The following FGD4 variants were observed in gnomAD, a reference collection of about 807,000 sequenced individuals.
The protein encoded by FGD4 is FYVE, RhoGEF and PH domain-containing protein 4.
Under a neutral mutation model 102.0 loss-of-function variants are expected in FGD4, and 42 were observed. The observed-to-expected ratio is 0.41, with a 90% CI of 0.32 to 0.53. The LOEUF is 0.53. FGD4 is among the 20% of genes least tolerant of loss of function. The pLI is 0.21. For synonymous variants in FGD4, 380 were observed against 375.7 expected (o/e 1.01, Z -0.13); for missense variants, 902 against 1,078.2 (o/e 0.84, Z 2.29).
chr12:32,557,224 T>G (rs1347277771), intron 1 of FGD4, among the ~76,000 whole-genome samples: 1 of 152,180 alleles, frequency 6.6e-6, no homozygotes, highest in Non-Finnish European at 1.5e-5. Flanking sequence ...AAAATATAAG[T>G]GATATATAAA....
At chr12:32,546,485 C>T (rs981981555) in intron 1 of FGD4, among the ~76,000 whole-genome samples, 1 of 152,262 alleles carries the variant, frequency 6.6e-6, no homozygotes, top group African/African-American at 2.4e-5. Flanking sequence ...CCACTTTTAA[C>T]CAACCCTACT....
chr12:32,436,051 A>G (rs908098336), intron 1 of FGD4, among the ~76,000 whole-genome samples: 12 of 152,212 alleles, frequency 7.9e-5, no homozygotes, highest in Admixed American at 7.2e-4. Flanking sequence ...GGGAGGACAC[A>G]GAATGACGAT....
At chr12:32,543,673 C>G (rs1048803432) in intron 1 of FGD4, among the ~76,000 whole-genome samples, 1 of 152,210 alleles carries the variant, frequency 6.6e-6, no homozygotes, top group Non-Finnish European at 1.5e-5. Flanking sequence ...GTTGCCCAGG[C>G]TGGAGTGCAG....
At chr12:32,612,340 C>T (rs1949192081) in intron 10 of FGD4, among the ~76,000 whole-genome samples, 1 of 152,236 alleles carries the variant, frequency 6.6e-6, no homozygotes, top group African/African-American at 2.4e-5. Flanking sequence ...CCTTGCTGCT[C>T]CAGGCTCGCC....
chr12:32,407,360 A>G (rs1940985316), intron 1 of FGD4, among the ~76,000 whole-genome samples: 1 of 143,060 alleles, frequency 7.0e-6, no homozygotes, highest in African/African-American at 2.6e-5. Context: ...TCCTGACCTC[A>G]GGTGATCCAC....
chr12:32,594,455 G>A (rs562132185), intron 4 of FGD4, among the ~76,000 whole-genome samples: 3 of 152,224 alleles, frequency 2.0e-5, no homozygotes, highest in African/African-American at 7.2e-5. Context: ...CAACATTATG[G>A]TGAGTTGTAT....
At chr12:32,451,910 AAC>A (rs1197268621) in intron 1 of FGD4, among the ~76,000 whole-genome samples, 1 of 151,848 alleles carries the variant, frequency 6.6e-6, no homozygotes, top group African/African-American at 2.4e-5. Flanking sequence ...AGATAACAAT[AAC>A]AGAGTTTCCT....
At chr12:32,526,807 C>T (rs1327325346) in intron 1 of FGD4, among the ~76,000 whole-genome samples, 2 of 152,162 alleles carry the variant, frequency 1.3e-5, no homozygotes, top group Non-Finnish European at 1.5e-5. Flanking sequence ...GAACGAACAA[C>T]TCCAGATGCC....
intron 1 of FGD4, among the ~76,000 whole-genome samples, chr12:32,477,935 G>A (rs890580333): frequency 6.6e-6 from 1 of 152,168 alleles, no homozygotes; most frequent in Non-Finnish European, 1.5e-5. Flanking sequence ...TCATTCACTC[G>A]AGTCATCTAT....
At position 32,399,659 on chromosome 12, in the gene FGD4, C is replaced by T. The variant is rs1940562508; in HGVS notation, c.-135C>T. 1.4e-6 allele frequency: 2 copies of T among 1,427,222 alleles called. No homozygotes were observed. The highest frequency in any genetic ancestry group is 1.8e-6 in the Non-Finnish European group (2 of 1,100,064). The allele number at this position is 1,427,222 out of a possible 1,614,324, so 88.4% of individuals were successfully genotyped here. ...GGGAAGGAGAGGGAGAGGAGGCACT[C>T]GCTGAGGAGACGCCGCAGTAGAGGG... is the stretch of plus-strand genomic sequence containing the variant. On this transcript the variant is annotated 5_prime_UTR_variant, in exon 1 of 17. Transcript: ENST00000534526.
At chr12:32,584,426 G>A (rs2291883) in intron 4 of FGD4, among the ~76,000 whole-genome samples, 72,932 of 151,964 alleles carry the variant, frequency 0.48, 19,221 homozygotes, top group African/African-American at 0.71. Flanking sequence ...AAATGTCAAT[G>A]GTAATATAGT....
chr12:32,619,582 A>G, intron 10 of FGD4, 116 bp from the exon 11 acceptor site: 3 of 1,174,392 alleles, frequency 2.6e-6, no homozygotes, highest in Non-Finnish European at 2.5e-6. Flanking sequence ...CAATGAGCCA[A>G]GGTCACACTA....
chr12:32,591,144 C>T (rs1300683757), intron 4 of FGD4, among the ~76,000 whole-genome samples: 2 of 152,088 alleles, frequency 1.3e-5, no homozygotes, highest in African/African-American at 2.4e-5. Flanking sequence ...TGTACCTGTA[C>T]AAAGGGTACC....
intron 1 of FGD4, among the ~76,000 whole-genome samples, chr12:32,505,112 C>T (rs141256430): frequency 3.3e-5 from 5 of 152,296 alleles, no homozygotes; most frequent in Non-Finnish European, 7.4e-5. Context: ...TGAAGTGGAA[C>T]AGCACCTGCA....
At chr12:32,516,452 C>CT (rs1404105342) in intron 1 of FGD4, among the ~76,000 whole-genome samples, 3 of 152,138 alleles carry the variant, frequency 2.0e-5, no homozygotes, top group Admixed American at 6.5e-5. Flanking sequence ...CCTAACTTCC[C>CT]TTTTTAAGTT....
Position 32,446,554 on chromosome 12 carries a change from C to T in FGD4, c.166+46595C>T, listed in dbSNP as rs548152861. Reference sequence around the variant, plus strand: ...TTTCCTCCGGGTATAGGAACAGTTCCTGAAATGAGGCTGTTAAGACCTACA... The same window carrying T: ...TTTCCTCCGGGTATAGGAACAGTTCTTGAAATGAGGCTGTTAAGACCTACA... On this transcript the variant is annotated intron_variant, in intron 1 of 16. Transcript: ENST00000534526. Among the ~76,000 whole-genome samples, 3 of 152,192 alleles carry T rather than the reference C, an allele frequency of 2.0e-5. No individual in the cohort carries two copies. In the South Asian group the frequency reaches 6.2e-4, roughly 32 times the overall value.
At chr12:32,605,997 G>A (rs1172164167) in intron 7 of FGD4, among the ~76,000 whole-genome samples, 1 of 152,068 alleles carries the variant, frequency 6.6e-6, no homozygotes, top group East Asian at 1.9e-4. Flanking sequence ...TGAAAAGAGT[G>A]GTAGATTGGG....
intron 1 of FGD4, among the ~76,000 whole-genome samples, chr12:32,561,871 A>G (rs909701647): frequency 4.6e-5 from 7 of 152,120 alleles, no homozygotes; most frequent in African/African-American, 1.7e-4. Context: ...GGAGTTTTTG[A>G]GTTCTATATA....
At position 32,582,136 on chromosome 12, in the gene FGD4, C is replaced by T; in HGVS notation, c.680C>T (p.Ala227Val). The T allele has an allele frequency of 1.2e-6, 2 of 1,614,160 alleles. No homozygotes were observed. Among genetic ancestry groups the T allele is most frequent in the Non-Finnish European group, 1.7e-6 (2 of 1,180,038 alleles). ...DKTQGAQTCVANGVMAAQNQM... is the reference protein window; with the variant it reads ...DKTQGAQTCVVNGVMAAQNQM... ...ACTCAGGGTGCACAGACTTGTGTGG[C>T]CAACGGTGTAATGGCAGCACAAAAC... is the stretch of plus-strand genomic sequence containing the variant. The change falls in exon 4 of 17, where the codon GCC becomes GTC. Residue 227 changes from alanine to valine, a missense_variant. Ala to Val is a moderately conservative substitution (Grantham distance 64, BLOSUM62 0). This residue lies in a region of FGD4 where 443 missense variants were observed against 459.2 expected (regional missense o/e 0.96). Coordinates refer to ENST00000534526, the MANE Select transcript of FGD4 (RefSeq NM_001370298.3).
Sources: allele counts gnomAD v4.1 joint callset (sites outside exome capture counted in the v4.1 genomes callset), GRCh38; gene constraint gnomAD v4.1.1; regional missense constraint gnomAD v4.1.1; transcripts MANE v1.5; gene names NCBI Gene and HGNC (gene_info 2026-07-23, HGNC 2026-07-21).